UNC13B: variants seen among roughly 807,000 people sequenced by gnomAD.
UNC13B encodes the protein unc-13 homolog B, also known as protein unc-13 homolog B.
Under a neutral mutation model 211.0 loss-of-function variants are expected in UNC13B, and 144 were observed. That is an observed-to-expected ratio of 0.68 (90% CI 0.60 to 0.78). The LOEUF (loss-of-function observed/expected upper bound fraction) is 0.78, where lower values mean the gene tolerates loss of function less well. UNC13B is among the 30% of genes least tolerant of loss of function. The probability of loss-of-function intolerance (pLI) is 0.00; values close to 1 mark genes in which losing one functional copy is unlikely to be tolerated. For missense variants in UNC13B, 1,777 were observed against 2,002.0 expected (o/e 0.89, Z 2.14); for synonymous variants, 709 against 725.8 (o/e 0.98, Z 0.37).
intron 7 of UNC13B, among the ~76,000 whole-genome samples, 197 bp from the exon 8 acceptor site, chr9:35,295,499 T>A (rs1440212664): frequency 6.6e-6 from 1 of 152,144 alleles, no homozygotes; most frequent in Admixed American, 6.5e-5. Context: ...ATATCTCATA[T>A]GATAAGGAAG....
chr9:35,258,336 CT>C (rs1827055738), intron 6 of UNC13B, among the ~76,000 whole-genome samples: 2 of 152,150 alleles, frequency 1.3e-5, no homozygotes, highest in Non-Finnish European at 2.9e-5. Flanking sequence ...TCTGTTTTGC[CT>C]TCTAAATCGG....
intron 37 of UNC13B, chr9:35,402,153 T>C: frequency 1.4e-6 from 1 of 704,450 alleles, no homozygotes; most frequent in Non-Finnish European, 2.5e-6. Flanking sequence ...GGGTAATGCC[T>C]TCATATAGCC....
rs1238489994 is a variant in UNC13B, at chr9:35,396,856, C to T, written c.11451C>T (p.Phe3817=). The T allele has an allele frequency of 1.2e-5, 19 of 1,614,000 alleles. No homozygotes were observed. Among genetic ancestry groups the T allele is most frequent in the East Asian group, 2.2e-5 (1 of 44,886 alleles). The change falls in exon 28 of 40, where the codon TTC becomes TTT. Residue 3817 remains phenylalanine (F), a synonymous_variant. Coordinates refer to ENST00000635942, the MANE Select transcript of UNC13B (RefSeq NM_001371189.2). ...VPEYPAWFEQ[F]VLQWLDENED... ...GTGGCTGCAGGTGGTTTGAGCAGTT[C>T]GTGCTACAATGGCTGGATGAGAATG...
chr9:35,398,442 G>A, intron 31 of UNC13B, 112 bp from the exon 32 acceptor site: 2 of 1,362,724 alleles, frequency 1.5e-6, no homozygotes, highest in Non-Finnish European at 2.1e-6. Flanking sequence ...GTAAGGCCCT[G>A]CGAGGGAGGA....
intron 6 of UNC13B, among the ~76,000 whole-genome samples, chr9:35,250,233 C>T (rs539446710): frequency 1.5e-3 from 227 of 152,236 alleles, no homozygotes; most frequent in Middle Eastern, 6.8e-3. Flanking sequence ...GTGGCTTTTA[C>T]TAGCTTCATA....
At chr9:35,327,480 G>A (rs1420253956) in intron 11 of UNC13B, among the ~76,000 whole-genome samples, 1 of 152,138 alleles carries the variant, frequency 6.6e-6, no homozygotes, top group East Asian at 1.9e-4. Flanking sequence ...TCAAGGGCCG[G>A]AGAAGAGGAA....
intron 6 of UNC13B, among the ~76,000 whole-genome samples, chr9:35,257,370 T>TAAATATTTATATAAATATTTATA (rs1826966899): frequency 1.8e-4 from 11 of 60,652 alleles, no homozygotes; most frequent in African/African-American, 9.4e-4. Context: ...TAAATATTTA[T>TAAATATTTATATAAATATTTATA]AAAATATTTA....
intron 6 of UNC13B, among the ~76,000 whole-genome samples, chr9:35,255,250 A>C (rs1168951342): frequency 6.6e-6 from 1 of 150,452 alleles, no homozygotes; most frequent in Non-Finnish European, 1.5e-5. Context: ...TTTTATTAAC[A>C]GACTTCATTT....
chr9:35,393,574 C>CTTTTTTT (rs749007486), intron 26 of UNC13B, among the ~76,000 whole-genome samples: 2 of 118,864 alleles, frequency 1.7e-5, no homozygotes, highest in African/African-American at 6.4e-5. Flanking sequence ...GACTCTCTCT[C>CTTTTTTT]TTTTTTTTTT....
At chr9:35,327,466 C>A (rs2131943056) in intron 11 of UNC13B, among the ~76,000 whole-genome samples, 1 of 152,258 alleles carries the variant, frequency 6.6e-6, no homozygotes, top group Admixed American at 6.5e-5. Flanking sequence ...CCCAAATAAC[C>A]TGTTCAAGGG....
chr9:35,400,969 GGGT>G (rs1212978556), intron 37 of UNC13B, among the ~76,000 whole-genome samples: 1 of 152,134 alleles, frequency 6.6e-6, no homozygotes, highest in African/African-American at 2.4e-5. Context: ...CCAGTCTCAG[GGGT>G]GCTGTTTATG....
At chr9:35,232,177 C>CTTTTTTTTTGTTTTTTTTTTTTTTT (rs1825245615) in intron 3 of UNC13B, among the ~76,000 whole-genome samples, 1 of 31,536 alleles carries the variant, frequency 3.2e-5, no homozygotes, top group African/African-American at 1.2e-4. Context: ...TATATTGCTG[C>CTTTTTTTTTGTTTTTTTTTTTTTTT]TTTTTTTTTT....
Position 35,200,019 on chromosome 9 carries a change from A to G in UNC13B, c.23-27996A>G, listed in dbSNP as rs193180072. 4.5e-3 allele frequency among the ~76,000 whole-genome samples: 684 copies of G among 152,296 alleles called. 2 individuals carry two copies. The highest frequency in any genetic ancestry group is 7.8e-3 in the Non-Finnish European group (531 of 68,032). On this transcript the variant is annotated intron_variant, in intron 1 of 39. Coordinates refer to ENST00000635942, the MANE Select transcript of UNC13B (RefSeq NM_001371189.2). ...ATCCATCTCGAATTAATTTTTGTAT[A>G]AGGTGTAAGGAAGGGATCCAGTTTC... is the stretch of plus-strand genomic sequence containing the variant.
chr9:35,193,657 C>CAAA (rs748105027), intron 1 of UNC13B, among the ~76,000 whole-genome samples: 12 of 56,110 alleles, frequency 2.1e-4, no homozygotes, highest in Admixed American at 7.2e-4. Context: ...GACTCCGTCT[C>CAAA]AAAAAAAAAA....
chr9:35,194,339 G>A (rs1470484928), intron 1 of UNC13B, among the ~76,000 whole-genome samples: 1 of 152,312 alleles, frequency 6.6e-6, no homozygotes, highest in African/African-American at 2.4e-5. Context: ...AGAAAAGTTG[G>A]AGATCCTGTT....
intron 1 of UNC13B, among the ~76,000 whole-genome samples, chr9:35,217,514 G>T (rs887171086): frequency 6.6e-6 from 1 of 151,080 alleles, no homozygotes; most frequent in East Asian, 2.0e-4. Flanking sequence ...TCAGCCTCCC[G>T]AGTAGCTGGG....
chr9:35,190,105 AT>A (rs1822572359), intron 1 of UNC13B, among the ~76,000 whole-genome samples: 1 of 152,242 alleles, frequency 6.6e-6, no homozygotes. Context: ...TAACGGCGCC[AT>A]TTTATACTGG....
chr9:35,245,649 C>T (rs1277520442), intron 6 of UNC13B, among the ~76,000 whole-genome samples: 1 of 151,760 alleles, frequency 6.6e-6, no homozygotes, highest in Non-Finnish European at 1.5e-5. Flanking sequence ...TGGTTTCCAG[C>T]TTCATCCATG....
intron 8 of UNC13B, among the ~76,000 whole-genome samples, chr9:35,299,265 TA>T (rs1321632601): frequency 7.6e-6 from 1 of 130,822 alleles, no homozygotes; most frequent in African/African-American, 3.1e-5. Context: ...AATAATTTGT[TA>T]TTTTTTTGTA....
Sources: allele counts gnomAD v4.1 joint callset (sites outside exome capture counted in the v4.1 genomes callset), GRCh38; gene constraint gnomAD v4.1.1; transcripts MANE v1.5; gene names NCBI Gene and HGNC (gene_info 2026-07-23, HGNC 2026-07-21).